The following CEP290 variants were observed in gnomAD, a reference collection of about 807,000 sequenced individuals.
CEP290 encodes the protein centrosomal protein of 290 kDa.
In CEP290, 317 loss-of-function variants were observed where a neutral mutation model predicts 344.9. That is an observed-to-expected ratio of 0.92 (90% confidence interval 0.84 to 1.01). The LOEUF is 1.01. Ranked by LOEUF, CEP290 falls within the 50% of genes least tolerant of loss-of-function variation. The pLI, the probability that CEP290 is intolerant of heterozygous loss-of-function variation, is 0.00. For synonymous variants in CEP290, 932 were observed against 895.8 expected (o/e 1.04, Z -0.72); for missense variants, 2,754 against 2,761.4 (o/e 1.00, Z 0.06).
At chr12:88,072,069 G>A in intron 41 of CEP290, 143 bp from the exon 42 acceptor site, 1 of 772,492 alleles carries the variant, frequency 1.3e-6, no homozygotes, top group Non-Finnish European at 1.9e-6. Context: ...TGCTATACAG[G>A]TTGAGTATCC....
At chr12:88,073,918 G>A (rs931214305) in intron 41 of CEP290, among the ~76,000 whole-genome samples, 3 of 152,008 alleles carry the variant, frequency 2.0e-5, no homozygotes, top group African/African-American at 7.3e-5. Flanking sequence ...GCTAATAAGT[G>A]CCCTTTAAAA....
At chr12:88,071,109 TAATA>T (rs967244598) in intron 43 of CEP290, among the ~76,000 whole-genome samples, 181 bp downstream of exon 43, 1 of 152,058 alleles carries the variant, frequency 6.6e-6, no homozygotes, top group African/African-American at 2.4e-5. Context: ...TCTCACAATA[TAATA>T]TTCAAAAGAT....
Position 88,079,198 on chromosome 12 carries a change from G to T in CEP290, c.5258C>A (p.Ala1753Glu). ...ALSRALLELR[A>E]EMTAAAEERI... is the part of the protein sequence containing the mutation. Reference sequence around the variant, plus strand: ...TTCTTCAGCAGCTGCTGTCATTTCTGCCCGGAGTTCTAAAAGTGCCCGACT... The same window carrying T: ...TTCTTCAGCAGCTGCTGTCATTTCTTCCCGGAGTTCTAAAAGTGCCCGACT... The change falls in exon 39 of 54, where the codon GCA becomes GAA. Residue 1753 changes from alanine to glutamate, a missense_variant. Physicochemically the swap from Ala to Glu is moderately radical, Grantham distance 107 (BLOSUM62 -1). Coordinates refer to ENST00000552810, the MANE Select transcript of CEP290 (RefSeq NM_025114.4). The T allele has an allele frequency of 6.3e-7, 1 of 1,595,356 alleles. No individual in the cohort carries two copies. The highest frequency in any genetic ancestry group is 8.5e-7 in the Non-Finnish European group (1 of 1,173,292).
At chr12:88,085,901 TATAGGAGA>T in intron 34 of CEP290, 130 bp downstream of exon 34, 2 of 784,510 alleles carry the variant, frequency 2.5e-6, no homozygotes, top group Non-Finnish European at 1.9e-6. Context: ...TTAGAAACAT[TATAGGAGA>T]ATAGAAAAAT....
At position 88,086,436 on chromosome 12, in the gene CEP290, G is replaced by T. The variant is rs771898047; in HGVS notation, c.4257C>A (p.Asp1419Glu). The change falls in exon 33 of 54, where the codon GAC (aspartate) becomes GAA (glutamate). Residue 1419 changes from aspartate (D) to glutamate (E), a missense_variant. Coordinates refer to ENST00000552810, the MANE Select transcript of CEP290 (RefSeq NM_025114.4). ...TTTCATTTTGCTGACGGTCAAAAATGTCTAGTTGGCGTTCCAGGTCAACTT... is the reference window on the plus strand; with the variant it reads ...TTTCATTTTGCTGACGGTCAAAAATTTCTAGTTGGCGTTCCAGGTCAACTT... ...QREVDLERQL[D>E]IFDRQQNEIL... The T allele has an allele frequency of 8.8e-6, 14 of 1,599,896 alleles. No homozygotes were observed. In the Admixed American group the frequency reaches 2.2e-4, roughly 25 times the overall value.
At chr12:88,107,936 A>G (rs760661418) in intron 23 of CEP290, among the ~76,000 whole-genome samples, 2 of 151,866 alleles carry the variant, frequency 1.3e-5, no homozygotes, top group Admixed American at 1.3e-4. Flanking sequence ...GAGGTAATAC[A>G]TATGTTAAGT....
At chr12:88,108,828 A>T (rs911134975) in intron 23 of CEP290, among the ~76,000 whole-genome samples, 3 of 152,206 alleles carry the variant, frequency 2.0e-5, no homozygotes, top group Non-Finnish European at 4.4e-5. Flanking sequence ...TCAAGCTCTT[A>T]CAAAAAGCAA....
chr12:88,087,158 T>C (rs976033973), intron 32 of CEP290, among the ~76,000 whole-genome samples: 1 of 152,162 alleles, frequency 6.6e-6, no homozygotes, highest in Non-Finnish European at 1.5e-5. Flanking sequence ...GTATATACTT[T>C]ATTCTATAAG....
chr12:88,105,402 G>A (rs2038203278), intron 25 of CEP290, among the ~76,000 whole-genome samples: 1 of 152,150 alleles, frequency 6.6e-6, no homozygotes. Flanking sequence ...AGTACACCAA[G>A]TGTGTATTCT....
chr12:88,055,594 A>G lies in CEP290; in HGVS notation c.6942T>C (p.Asn2314=), dbSNP rs2136654318. ...TEREQKVNKY[N]EDLEQQIKIL... Reference sequence around the variant, plus strand: ...TACTTACCTGTTGTTCAAGGTCTTCATTGTATTTGTTAACTTTTTGTTCTC... The same window carrying G: ...TACTTACCTGTTGTTCAAGGTCTTCGTTGTATTTGTTAACTTTTTGTTCTC... Residue 2314 remains asparagine, a synonymous_variant, in exon 50 of 54, where the codon AAT becomes AAC. Coordinates refer to ENST00000552810, the MANE Select transcript of CEP290 (RefSeq NM_025114.4). The G allele has an allele frequency of 6.3e-7, 1 of 1,580,516 alleles. No homozygotes were observed.
Position 88,084,735 on chromosome 12 carries a change from T to C in CEP290, c.4555A>G (p.Ile1519Val), listed in dbSNP as rs200817579. 6 of 1,613,690 alleles carry C rather than the reference T, an allele frequency of 3.7e-6. No homozygotes were observed. Among genetic ancestry groups the C allele is most frequent in the African/African-American group, 1.3e-5 (1 of 74,936 alleles). The change falls in exon 35 of 54, where the codon ATA becomes GTA. Residue 1519 changes from isoleucine (I) to valine (V), a missense_variant. By Grantham distance (29) the Ile-to-Val change is conservative (BLOSUM62 3). Coordinates refer to ENST00000552810, the MANE Select transcript of CEP290 (RefSeq NM_025114.4). ...ATCTCTTTTCTGCCTAGCTCAGCTA[T>C]GAGCTTTTCTCTTTCTGCAGTGGCA... ...LPATAEREKL[I>V]AELGRKEMEP...
intron 26 of CEP290, among the ~76,000 whole-genome samples, chr12:88,101,017 G>A (rs879885419): frequency 3.9e-5 from 6 of 152,070 alleles, no homozygotes; most frequent in Admixed American, 3.3e-4. Flanking sequence ...TTTTTAAGGC[G>A]GGGAGTCACA....
intron 12 of CEP290, 37 bp downstream of exon 12, chr12:88,126,279 A>C: frequency 7.0e-7 from 1 of 1,420,890 alleles, no homozygotes; most frequent in Non-Finnish European, 9.2e-7. Flanking sequence ...AACTGTAATA[A>C]AACTGGTTGA....
chr12:88,088,197 T>G (rs566212464), intron 31 of CEP290, among the ~76,000 whole-genome samples: 7 of 152,346 alleles, frequency 4.6e-5, no homozygotes, highest in Non-Finnish European at 1.0e-4. Flanking sequence ...CACTTTCATT[T>G]GTTATACGTT....
chr12:88,140,823 TTAAA>T, intron 3 of CEP290, 129 bp downstream of exon 3: 1 of 600,828 alleles, frequency 1.7e-6, no homozygotes, highest in Non-Finnish European at 2.8e-6. Context: ...TAATTCACAT[TTAAA>T]TATATTGCAT....
Position 88,083,182 on chromosome 12 carries a change from TA to T in CEP290, c.4860del (p.Phe1620LeufsTer11), listed in dbSNP as rs2137155245. 2.6e-6 allele frequency: 4 copies of T among 1,533,012 alleles called. No homozygotes were observed. The highest frequency in any genetic ancestry group is 1.7e-4 in the Middle Eastern group (1 of 5,906). 95.0% of individuals were successfully genotyped at this position (1,533,012 alleles called of 1,614,324 possible). ...GTCTGTTCCATCTCAGCCAGACGAA[TA>T]AAATGCTTGTTGGTAGGAACTGGAG... ...SPTPVPTNKH[F>X]IRLAEMEQTV... is the part of the protein sequence containing the mutation. On this transcript the variant is annotated frameshift_variant, in exon 37 of 54. Transcript: ENST00000552810. LOFTEE classifies it high-confidence loss of function.
intron 32 of CEP290, among the ~76,000 whole-genome samples, chr12:88,087,307 T>C (rs373128222): frequency 6.6e-5 from 10 of 152,252 alleles, no homozygotes; most frequent in African/African-American, 2.2e-4. Context: ...AAGACTACTG[T>C]TATAAAAGCT....
intron 25 of CEP290, chr12:88,104,247 G>A (rs2038111693): frequency 6.6e-6 from 1 of 151,986 alleles, no homozygotes; most frequent in Admixed American, 6.5e-5. Flanking sequence ...CCTTTAAAGT[G>A]GAAAGTAAAG....
intron 41 of CEP290, among the ~76,000 whole-genome samples, chr12:88,073,752 T>C (rs1487442151): frequency 5.3e-5 from 8 of 152,034 alleles, no homozygotes; most frequent in Admixed American, 5.2e-4. Flanking sequence ...GGCAACATAG[T>C]AAGACGTCAT....
Sources: gnomAD v4.1 joint callset for allele counts (sites outside exome capture counted in the v4.1 genomes callset) on GRCh38, gnomAD v4.1.1 for gene constraint, MANE v1.5 for transcripts, NCBI Gene and HGNC (gene_info 2026-07-23, HGNC 2026-07-21) for gene names.